PCDHGA2: variants seen among roughly 807,000 people sequenced by gnomAD.
The protein encoded by PCDHGA2 is protocadherin gamma-A2.
Under a neutral mutation model 59.2 loss-of-function variants are expected in PCDHGA2, and 40 were observed. The observed-to-expected ratio is 0.68, with a 90% CI of 0.52 to 0.88. The LOEUF (loss-of-function observed/expected upper bound fraction) is 0.88. PCDHGA2 is among the 40% of genes least tolerant of loss of function. The probability of loss-of-function intolerance (pLI) is 0.00; values close to 1 mark genes in which losing one functional copy is unlikely to be tolerated. For synonymous variants in PCDHGA2, 560 were observed against 526.0 expected (o/e 1.06, Z -0.89); for missense variants, 1,226 against 1,204.0 (o/e 1.02, Z -0.27).
chr5:141,411,184 G>A (rs1478666914), intron 1 of PCDHGA2: 1 of 152,108 alleles, frequency 6.6e-6, no homozygotes, highest in Admixed American at 6.6e-5. Context: ...AGTGGTCTTG[G>A]CATCTAAGAA....
intron 1 of PCDHGA2, chr5:141,345,552 A>G (rs769859145): frequency 9.9e-6 from 16 of 1,614,032 alleles, no homozygotes; most frequent in East Asian, 2.2e-5. Context: ...CTTCGTCTCT[A>G]TCAACTCCAA....
chr5:141,448,948 AAAAC>A (rs1237948751), intron 1 of PCDHGA2, among the ~76,000 whole-genome samples: 14 of 152,170 alleles, frequency 9.2e-5, no homozygotes, highest in African/African-American at 9.7e-5. Flanking sequence ...GCAACTCAAA[AAAAC>A]AAACAAACAA....
At chr5:141,348,446 A>G (rs182353436) in intron 1 of PCDHGA2, among the ~76,000 whole-genome samples, 244 of 152,316 alleles carry the variant, frequency 1.6e-3, no homozygotes, top group Non-Finnish European at 2.7e-3. Flanking sequence ...TTTTTAGAAA[A>G]AAAAATGTTT....
At chr5:141,369,497 C>A (rs1027825158) in intron 1 of PCDHGA2, among the ~76,000 whole-genome samples, 3 of 151,926 alleles carry the variant, frequency 2.0e-5, no homozygotes, top group Non-Finnish European at 4.4e-5. Context: ...TGAAACCCCA[C>A]CTCTATAGAA....
chr5:141,362,291 C>A, intron 1 of PCDHGA2: 1 of 1,614,076 alleles, frequency 6.2e-7, no homozygotes, highest in Non-Finnish European at 8.5e-7. Flanking sequence ...CGACTCTCTT[C>A]CAGGTCAGAT....
intron 1 of PCDHGA2, among the ~76,000 whole-genome samples, chr5:141,379,797 G>C (rs1775829191): frequency 6.6e-6 from 1 of 150,836 alleles, no homozygotes; most frequent in African/African-American, 2.4e-5. Flanking sequence ...GGCTATCTGA[G>C]GTTTTGAGAG....
chr5:141,356,730 T>C, intron 1 of PCDHGA2: 1 of 1,613,992 alleles, frequency 6.2e-7, no homozygotes, highest in Middle Eastern at 1.6e-4. Context: ...TCAACTCCAA[T>C]ACAGGGATCC....
At chr5:141,500,086 A>G (rs1456179271) in intron 2 of PCDHGA2, among the ~76,000 whole-genome samples, 1 of 151,682 alleles carries the variant, frequency 6.6e-6, no homozygotes, top group Non-Finnish European at 1.5e-5. Flanking sequence ...TCCATCTTCC[A>G]TTTTTGCAAT....
chr5:141,423,438 C>T lies in PCDHGA2; in HGVS notation c.2425-71369C>T, dbSNP rs2096741369. 5 of 1,613,942 alleles carry T rather than the reference C, an allele frequency of 3.1e-6. No homozygotes were observed. In the East Asian group the frequency reaches 8.9e-5, roughly 29 times the overall value. On this transcript the variant is annotated intron_variant, in intron 1 of 3. Transcript: ENST00000394576. Reference sequence around the variant, plus strand: ...CTGAAGGCGGGTTGGCAGGTATGCCCACGTCACATTTTGTAGGCGTGGACG... The same window carrying T: ...CTGAAGGCGGGTTGGCAGGTATGCCTACGTCACATTTTGTAGGCGTGGACG...
intron 1 of PCDHGA2, chr5:141,400,754 C>G: frequency 1.7e-6 from 1 of 589,004 alleles, no homozygotes. Context: ...TTAGCTTCCT[C>G]TCTAGCAAAA....
intron 1 of PCDHGA2, among the ~76,000 whole-genome samples, chr5:141,381,821 TTC>T (rs1354203071): frequency 5.5e-5 from 7 of 126,128 alleles, no homozygotes; most frequent in African/African-American, 2.4e-4. Context: ...TCTTTCTTTC[TTC>T]TTCTTTTTTT....
chr5:141,344,462 T>C lies in PCDHGA2; in HGVS notation c.2424+3067T>C, dbSNP rs758634731. ...CAGAGGAATTGGAAATAAAAATTGG[T>C]GAACTAACGGTTCCTGGAACCCGAT... is the stretch of plus-strand genomic sequence containing the variant. On this transcript the variant is annotated intron_variant, in intron 1 of 3. Transcript: ENST00000394576. 1.9e-6 allele frequency: 3 copies of C among 1,613,778 alleles called. No homozygotes were observed. In the South Asian group the frequency reaches 3.3e-5, roughly 18 times the overall value.
chr5:141,357,336 A>G, intron 1 of PCDHGA2: 2 of 1,614,110 alleles, frequency 1.2e-6, no homozygotes, highest in Non-Finnish European at 8.5e-7. Context: ...CGGTGCTGCT[A>G]GCACTCAAGC....
chr5:141,403,308 T>C (rs1245270186), intron 1 of PCDHGA2: 2 of 1,613,866 alleles, frequency 1.2e-6, no homozygotes, highest in Admixed American at 1.7e-5. Flanking sequence ...CTGTACGGAA[T>C]AGAAATAGAA....
intron 1 of PCDHGA2, chr5:141,351,157 C>A (rs748506914): frequency 2.5e-6 from 4 of 1,614,010 alleles, no homozygotes; most frequent in South Asian, 1.1e-5. Flanking sequence ...ACATCACAAC[C>A]AATGGCACAT....
chr5:141,477,775 G>T lies in PCDHGA2; in HGVS notation c.2425-17032G>T. 2 of 1,614,046 alleles carry T rather than the reference G, an allele frequency of 1.2e-6. No individual in the cohort carries two copies. The highest frequency in any genetic ancestry group is 2.7e-5 in the African/African-American group (2 of 75,052). On this transcript the variant is annotated intron_variant, in intron 1 of 3. Transcript: ENST00000394576. The surrounding 1 kb of genome is among the most constrained non-coding windows in gnomAD (Gnocchi z 4.9). ...CGGTCCTAGCCACCAACATCAGCGT[G>T]AACATATTTGTCACTGATCGCAATG...
intron 1 of PCDHGA2, among the ~76,000 whole-genome samples, chr5:141,380,345 TG>T (rs1448564641): frequency 6.6e-6 from 1 of 152,202 alleles, no homozygotes; most frequent in African/African-American, 2.4e-5. Context: ...AGAACTGTTT[TG>T]TTGTTTGTTT....
Position 141,432,394 on chromosome 5 carries a change from C to T in PCDHGA2, c.2425-62413C>T, listed in dbSNP as rs149830124. The T allele has an allele frequency of 1.7e-5, 27 of 1,614,260 alleles. No individual in the cohort carries two copies. The African/African-American group carries it at 2.7e-4, about 16-fold the overall frequency. On this transcript the variant is annotated intron_variant, in intron 1 of 3. Transcript: ENST00000394576. The surrounding 1 kb of genome is among the most constrained non-coding windows in gnomAD (Gnocchi z 6.0). ...ACGGGCACCCGCCCCTCAGCAGCAA[C>T]GTGTCGTTGAGCCTGTTCGTGCTGG...
At chr5:141,501,329 ACACAC>A (rs1562200854) in intron 2 of PCDHGA2, among the ~76,000 whole-genome samples, 2 of 148,226 alleles carry the variant, frequency 1.3e-5, no homozygotes, top group Non-Finnish European at 3.0e-5. Flanking sequence ...ACACACACAC[ACACAC>A]CCCAAACTCA....
Sources: allele counts gnomAD v4.1 joint callset (sites outside exome capture counted in the v4.1 genomes callset), GRCh38; gene constraint gnomAD v4.1.1; non-coding constraint Gnocchi (gnomAD v3.1); transcripts MANE v1.5; gene names NCBI Gene and HGNC (gene_info 2026-07-23, HGNC 2026-07-21).